The following TAFA1 variants were observed in gnomAD, a reference collection of about 807,000 sequenced individuals.
TAFA1 encodes the protein chemokine-like protein TAFA-1.
A neutral mutation model predicts 18.5 loss-of-function variants in TAFA1; 4 were observed. The ratio of observed to expected loss-of-function variants is 0.22; its 90% confidence interval spans 0.11 to 0.49. The LOEUF (loss-of-function observed/expected upper bound fraction) is 0.49, where lower values mean the gene tolerates loss of function less well. Among genes scored for constraint, TAFA1 ranks in the 20% least tolerant of loss-of-function variants. The pLI is 0.98. For missense variants in TAFA1, 147 were observed against 169.0 expected, an observed-to-expected ratio of 0.87 and a Z score of 0.72; for synonymous variants, 56 against 55.2, an observed-to-expected ratio of 1.01 and a Z score of -0.06.
At chr3:68,122,736 T>A (rs2065416132) in intron 2 of TAFA1, among the ~76,000 whole-genome samples, 1 of 152,170 alleles carries the variant, frequency 6.6e-6, no homozygotes, top group Non-Finnish European at 1.5e-5. Flanking sequence ...GAAATTTATT[T>A]TTATATGAAG....
chr3:68,117,271 A>G (rs1489464657), intron 2 of TAFA1, among the ~76,000 whole-genome samples: 1 of 152,202 alleles, frequency 6.6e-6, no homozygotes, highest in East Asian at 1.9e-4. Flanking sequence ...GAAGATATGA[A>G]TCAATTTACG....
intron 2 of TAFA1, among the ~76,000 whole-genome samples, chr3:68,120,233 CTTTCTTTCTTTCTTT>C (rs2065380217): frequency 1.8e-5 from 2 of 113,294 alleles, no homozygotes; most frequent in African/African-American, 3.8e-5. Context: ...TTCTTTCTTT[CTTTCTTTCTTTCTTT>C]CTTTCTTTCT....
intron 2 of TAFA1, among the ~76,000 whole-genome samples, chr3:68,369,775 C>G (rs2069643752): frequency 6.6e-6 from 1 of 152,128 alleles, no homozygotes; most frequent in Non-Finnish European, 1.5e-5. Flanking sequence ...ACAAGATCTC[C>G]TGTTTCTAGA....
Position 68,522,150 on chromosome 3 carries a change from CTT to C in TAFA1, c.260-16603_260-16602del, listed in dbSNP as rs546500780. ...GTGTGAGCCACCAAAATATCAAAAA[CTT>C]TTCAGTTATTTATAAATTTTTCTAG... On this transcript the variant is annotated intron_variant, in intron 3 of 4. Coordinates refer to ENST00000478136, the MANE Select transcript of TAFA1 (RefSeq NM_213609.4). Among the ~76,000 whole-genome samples the C allele has an allele frequency of 3.7e-4, 57 of 152,140 alleles. No homozygotes were observed. In the South Asian group the frequency reaches 5.4e-3, roughly 14 times the overall value.
intron 2 of TAFA1, among the ~76,000 whole-genome samples, chr3:68,162,561 A>G (rs1462315419): frequency 6.6e-6 from 1 of 151,984 alleles, no homozygotes; most frequent in Non-Finnish European, 1.5e-5. Context: ...TTAAGACTAT[A>G]ATTTTTTCTA....
At chr3:68,308,307 G>A (rs2068455915) in intron 2 of TAFA1, among the ~76,000 whole-genome samples, 1 of 152,006 alleles carries the variant, frequency 6.6e-6, no homozygotes, top group African/African-American at 2.4e-5. Context: ...GTAAGCTATT[G>A]CTCTTTCATT....
At chr3:68,304,183 T>G (rs2068363608) in intron 2 of TAFA1, among the ~76,000 whole-genome samples, 1 of 152,182 alleles carries the variant, frequency 6.6e-6, no homozygotes, top group African/African-American at 2.4e-5. Flanking sequence ...ACACAATAGC[T>G]GTGTGATTTA....
chr3:68,516,437 A>G (rs1368108741), intron 3 of TAFA1, among the ~76,000 whole-genome samples: 1 of 152,186 alleles, frequency 6.6e-6, no homozygotes. Context: ...ACATTTTTTA[A>G]TGTGAATGCC....
At position 68,196,188 on chromosome 3, in the gene TAFA1, T is replaced by C. The variant is rs532800504; in HGVS notation, c.118+189444T>C. ...TAAGCAGCTCCCATCCGGCCTTGAC[T>C]TTCTTCTGTTCACGTAACTTGTAAC... On this transcript the variant is annotated intron_variant, in intron 2 of 4. Transcript: ENST00000478136. Among the ~76,000 whole-genome samples, 3 of 151,796 alleles carry C rather than the reference T, an allele frequency of 2.0e-5. No homozygotes were observed. The South Asian group carries it at 6.2e-4, about 31-fold the overall frequency.
At chr3:68,115,278 T>TA (rs2065311615) in intron 2 of TAFA1, among the ~76,000 whole-genome samples, 1 of 151,328 alleles carries the variant, frequency 6.6e-6, no homozygotes, top group Non-Finnish European at 1.5e-5. Context: ...ATGAAACTGT[T>TA]AAAGAGAGAG....
intron 2 of TAFA1, among the ~76,000 whole-genome samples, chr3:68,342,590 G>A (rs374898566): frequency 5.9e-5 from 9 of 152,058 alleles, no homozygotes; most frequent in African/African-American, 2.2e-4. Context: ...AGTAATTTTC[G>A]AGCTGAATGT....
At chr3:68,427,848 T>C (rs1304685384) in intron 3 of TAFA1, among the ~76,000 whole-genome samples, 2 of 151,898 alleles carry the variant, frequency 1.3e-5, no homozygotes, top group East Asian at 3.9e-4. Flanking sequence ...ATAAGTCTCA[T>C]GAGATCTGAT....
intron 2 of TAFA1, among the ~76,000 whole-genome samples, chr3:68,203,606 G>A (rs762211181): frequency 6.6e-5 from 10 of 151,662 alleles, no homozygotes; most frequent in Non-Finnish European, 1.3e-4. Flanking sequence ...CCTATGCTCT[G>A]TACTGTGAAC....
At chr3:68,253,977 C>A (rs1200433578) in intron 2 of TAFA1, among the ~76,000 whole-genome samples, 1 of 152,106 alleles carries the variant, frequency 6.6e-6, no homozygotes, top group Non-Finnish European at 1.5e-5. Context: ...AAGCTGCAAA[C>A]ATAATTGGCA....
At chr3:68,103,113 A>C (rs956675527) in intron 2 of TAFA1, among the ~76,000 whole-genome samples, 21 of 152,212 alleles carry the variant, frequency 1.4e-4, no homozygotes, top group African/African-American at 4.8e-4. Flanking sequence ...CTGGTGTCCA[A>C]AGTCATGTGT....
At chr3:68,365,171 T>A (rs981149471) in intron 2 of TAFA1, among the ~76,000 whole-genome samples, 1 of 152,208 alleles carries the variant, frequency 6.6e-6, no homozygotes, top group Non-Finnish European at 1.5e-5. Context: ...AATTACCCAG[T>A]AAGTATACTG....
At chr3:68,402,202 A>G (rs2070508144) in intron 2 of TAFA1, among the ~76,000 whole-genome samples, 1 of 152,020 alleles carries the variant, frequency 6.6e-6, no homozygotes, top group Non-Finnish European at 1.5e-5. Flanking sequence ...TCCACCCCGA[A>G]GCTCACCTTG....
chr3:68,494,436 C>A (rs1220057462), intron 3 of TAFA1, among the ~76,000 whole-genome samples: 1 of 152,152 alleles, frequency 6.6e-6, no homozygotes, highest in Non-Finnish European at 1.5e-5. Flanking sequence ...TGTAGGATAA[C>A]CCAGATGTTA....
chr3:68,368,054 C>T (rs1465542606), intron 2 of TAFA1, among the ~76,000 whole-genome samples: 1 of 152,050 alleles, frequency 6.6e-6, no homozygotes, highest in East Asian at 1.9e-4. Flanking sequence ...AAGCTAATTA[C>T]AATGAAAAAT....
Sources: gnomAD v4.1 joint callset for allele counts (sites outside exome capture counted in the v4.1 genomes callset) on GRCh38, gnomAD v4.1.1 for gene constraint, MANE v1.5 for transcripts, NCBI Gene and HGNC (gene_info 2026-07-23, HGNC 2026-07-21) for gene names.